Variants in AHNAK2 observed in about 807,000 individuals in gnomAD.
The protein encoded by AHNAK2 is protein AHNAK2.
AHNAK2 carries 18 observed loss-of-function variants against 30.7 expected under a neutral mutation model. That is an observed-to-expected ratio of 0.59 (90% CI 0.41 to 0.87). The LOEUF (loss-of-function observed/expected upper bound fraction) is 0.87, where lower values mean the gene tolerates loss of function less well. Among genes scored for constraint, AHNAK2 ranks in the 40% least tolerant of loss-of-function variants. AHNAK2 has a pLI of 0.00. For synonymous variants in AHNAK2, 3,590 were observed against 3,073.8 expected, an observed-to-expected ratio of 1.17 and a Z score of -5.56; for missense variants, 8,604 against 7,373.0, an observed-to-expected ratio of 1.17 and a Z score of -6.11.
chr14:104,938,261 T>C lies in AHNAK2; in HGVS notation c.17190A>G (p.Thr5730=), dbSNP rs755351379. Residue 5730 remains threonine, a synonymous_variant, in exon 7 of 7, where the codon ACA becomes ACG. Coordinates refer to ENST00000333244, the MANE Select transcript of AHNAK2 (RefSeq NM_138420.4). ...TTTCTCGGGCATCAAAAAACGTGAT[T>C]GTTTCTTCTTGAAGTTTTTGTTCTT... The part of the protein sequence containing the change: ...ELEEQKLQEE[T]ITFFDARESF... 6.2e-7 allele frequency: 1 copy of C among 1,613,930 alleles called. No homozygotes were observed. The highest frequency in any genetic ancestry group is 8.5e-7 in the Non-Finnish European group (1 of 1,179,866).
chr14:104,948,582 G>C lies in AHNAK2; in HGVS notation c.6869C>G (p.Ala2290Gly), dbSNP rs1170678821. Residue 2290 changes from alanine (A) to glycine (G), a missense_variant, in exon 7 of 7, where the codon GCC becomes GGC. By Grantham distance (60) the Ala-to-Gly change is moderately conservative. Coordinates refer to ENST00000333244, the MANE Select transcript of AHNAK2 (RefSeq NM_138420.4). ...CGCACCATCCAGCTTGGCTCCTGGG[G>C]CCTTGACGTCCACCTCCACGCTGGG... ...SLPSVEVDVK[A>G]PGAKLDGARL... is the part of the protein sequence containing the mutation. The C allele has an allele frequency of 8.1e-6, 13 of 1,612,618 alleles. No homozygotes were observed. Among genetic ancestry groups the C allele is most frequent in the Non-Finnish European group, 1.1e-5 (13 of 1,179,776 alleles).
rs1455953192 is a variant in AHNAK2 at position 104,950,611 on chromosome 14, C to T, written c.4840G>A (p.Ala1614Thr). The T allele has an allele frequency of 1.9e-6, 3 of 1,587,090 alleles. No homozygotes were observed. The East Asian group carries it at 6.8e-5, about 36-fold the overall frequency. The change falls in exon 7 of 7, where the codon GCC (alanine) becomes ACC (threonine). Residue 1614 changes from alanine (A) to threonine (T), a missense_variant. Coordinates refer to ENST00000333244, the MANE Select transcript of AHNAK2 (RefSeq NM_138420.4). ...DLKGPKVEVT[A>T]PDVKMSLSSM... ...GACAGAGACATCTTCACATCGGGGG[C>T]TGTCACTTCCACCTTGGGGCCTTTC...
At position 104,938,725 on chromosome 14, in the gene AHNAK2, T is replaced by G. The variant is rs1485135542; in HGVS notation, c.16726A>C (p.Met5576Leu). 2 of 1,613,724 alleles carry G rather than the reference T, an allele frequency of 1.2e-6. No homozygotes were observed. Among genetic ancestry groups the G allele is most frequent in the South Asian group, 2.2e-5 (2 of 91,016 alleles). The change falls in exon 7 of 7, where the codon ATG becomes CTG. Residue 5576 changes from methionine to leucine, a missense_variant. Transcript: ENST00000333244. ...LQPDTGEPFE[M>L]ISSSVNVLGQ... Reference sequence around the variant, plus strand: ...AGTACATTGACGCTGGAAGAGATCATCTCAAATGGTTCTCCAGTGTCAGGC... The same window carrying G: ...AGTACATTGACGCTGGAAGAGATCAGCTCAAATGGTTCTCCAGTGTCAGGC...
chr14:104,964,560 AAT>A (rs936996754), intron 1 of AHNAK2, among the ~76,000 whole-genome samples: 31 of 152,240 alleles, frequency 2.0e-4, no homozygotes, highest in African/African-American at 6.5e-4. Context: ...CAGAGATTCA[AAT>A]GTCCATCAAC....
rs202156630 is a variant in AHNAK2 at position 104,953,203 on chromosome 14, C to T, written c.2248G>A (p.Glu750Lys). 28 of 1,613,030 alleles carry T rather than the reference C, an allele frequency of 1.7e-5. No homozygotes were observed. Among genetic ancestry groups the T allele is most frequent in the Non-Finnish European group, 2.1e-5 (25 of 1,179,690 alleles). Residue 750 changes from glutamate (E) to lysine (K), a missense_variant, in exon 7 of 7, where the codon GAG becomes AAG. By Grantham distance (56) the Glu-to-Lys change is moderately conservative. Coordinates refer to ENST00000333244, the MANE Select transcript of AHNAK2 (RefSeq NM_138420.4). Reference sequence around the variant, plus strand: ...AGGTGCCCTTTGAGGCTGGCTCCCTCGGGCAGGGGGCCCTCCGGAAGTTTC... The same window carrying T: ...AGGTGCCCTTTGAGGCTGGCTCCCTTGGGCAGGGGGCCCTCCGGAAGTTTC... The part of the protein sequence containing the change: ...DVKLPEGPLP[E>K]GASLKGHLPK...
rs1898418011 is a variant in AHNAK2 at position 104,948,260 on chromosome 14, G to A, written c.7191C>T (p.Leu2397=). The A allele has an allele frequency of 6.2e-7, 1 of 1,612,218 alleles. No homozygotes were observed. Among genetic ancestry groups the A allele is most frequent in the African/African-American group, 1.3e-5 (1 of 74,350 alleles). ...PEGPVPEGAG[L]KGHLPKLQMP... is the part of the protein sequence containing the mutation. ...TCTGCAGCTTGGGCAGGTGCCCTTTGAGGCCGGCTCCCTCCGGCACGGGGC... is the reference window on the plus strand; with the variant it reads ...TCTGCAGCTTGGGCAGGTGCCCTTTAAGGCCGGCTCCCTCCGGCACGGGGC... Residue 2397 remains leucine, a synonymous_variant, in exon 7 of 7, where the codon CTC becomes CTT. Transcript: ENST00000333244.
chr14:104,969,701 T>C (rs1361796908), intron 1 of AHNAK2, among the ~76,000 whole-genome samples: 1 of 152,110 alleles, frequency 6.6e-6, no homozygotes, highest in East Asian at 1.9e-4. Context: ...GCCCAGTTCA[T>C]CTCCTTCTGC....
In AHNAK2 at chr14:104,938,725, T is replaced by C; in HGVS notation, c.16726A>G (p.Met5576Val). 6.2e-7 allele frequency: 1 copy of C among 1,613,724 alleles called. No homozygotes were observed. The highest frequency in any genetic ancestry group is 8.5e-7 in the Non-Finnish European group (1 of 1,179,836). ...AGTACATTGACGCTGGAAGAGATCA[T>C]CTCAAATGGTTCTCCAGTGTCAGGC... Reference protein sequence around the residue: ...LQPDTGEPFEMISSSVNVLGQ... With the variant: ...LQPDTGEPFEVISSSVNVLGQ... Residue 5576 changes from methionine to valine, a missense_variant, in exon 7 of 7, where the codon ATG becomes GTG. By Grantham distance (21) the Met-to-Val change is conservative. Transcript: ENST00000333244.
intron 1 of AHNAK2, among the ~76,000 whole-genome samples, chr14:104,970,723 C>T (rs541715542): frequency 6.6e-6 from 1 of 152,198 alleles, no homozygotes; most frequent in Non-Finnish European, 1.5e-5. Flanking sequence ...AGTGCCCACC[C>T]CCAGCCTGAG....
chr14:104,971,604 T>C (rs967764776), intron 1 of AHNAK2, among the ~76,000 whole-genome samples: 9 of 152,122 alleles, frequency 5.9e-5, no homozygotes, highest in African/African-American at 2.2e-4. Flanking sequence ...ATACAAGTGG[T>C]GGCTGAGAAA....
rs372744634 is a variant in AHNAK2, at chr14:104,942,412, T to A, written c.13039A>T (p.Ser4347Cys). Residue 4347 changes from serine (S) to cysteine (C), a missense_variant, in exon 7 of 7, where the codon AGC (serine) becomes TGC (cysteine). By Grantham distance (112) the Ser-to-Cys change is moderately radical (BLOSUM62 -1). Transcript: ENST00000333244. ...AGATCAGCGGAAGGGGGCTGAATGCTGAGGTGAGTGGTCTTCAGGTCCCCC... is the reference window on the plus strand; with the variant it reads ...AGATCAGCGGAAGGGGGCTGAATGCAGAGGTGAGTGGTCTTCAGGTCCCCC... Reference protein sequence around the residue: ...MQGDLKTTHLSIQPPSADLEV... With the variant: ...MQGDLKTTHLCIQPPSADLEV... 21 of 1,611,266 alleles carry A rather than the reference T, an allele frequency of 1.3e-5. No homozygotes were observed. The highest frequency in any genetic ancestry group is 1.2e-4 in the African/African-American group (9 of 74,134).
In AHNAK2 at chr14:104,940,528, C is replaced by G; in HGVS notation, c.14923G>C (p.Val4975Leu). 2.5e-6 allele frequency: 4 copies of G among 1,613,718 alleles called. No individual in the cohort carries two copies. Among genetic ancestry groups the G allele is most frequent in the Non-Finnish European group, 3.4e-6 (4 of 1,179,860 alleles). ...TCCTCCACGCTGCATTCTGGGTCCA[C>G]CTTTGGCCCTGTTTCCTTCTTCGGG... is the stretch of plus-strand genomic sequence containing the variant. ...WSPKKETGPK[V>L]DPECSVEDSK... Residue 4975 changes from valine (V) to leucine (L), a missense_variant, in exon 7 of 7, where the codon GTG becomes CTG. By Grantham distance (32) the Val-to-Leu change is conservative (BLOSUM62 1). Transcript: ENST00000333244. This position sits in a 1 kb window ranked among gnomAD's most constrained non-coding sequence, Gnocchi z 4.4.
rs530346059 is a variant in AHNAK2, at chr14:104,943,943, A to G, written c.11508T>C (p.Asp3836=). 1.0e-4 allele frequency: 166 copies of G among 1,609,006 alleles called. No individual in the cohort carries two copies. The African/African-American group carries it at 1.2e-3, about 12-fold the overall frequency. The change falls in exon 7 of 7, where the codon GAT becomes GAC. Residue 3836 remains aspartate, a synonymous_variant. Coordinates refer to ENST00000333244, the MANE Select transcript of AHNAK2 (RefSeq NM_138420.4). ...CCCCCTGCATGGAGGGGAGACTCAC[A>G]TCGGCCTCCACCTTGGGTGCAGACA... ...VHVSAPKVEA[D]VSLPSMQGDL...
chr14:104,942,601 G>T lies in AHNAK2; in HGVS notation c.12850C>A (p.Leu4284Met), dbSNP rs780221272. ...KLDSVRLEGDLSLADKDMTAK... is the reference protein window; with the variant it reads ...KLDSVRLEGDMSLADKDMTAK... ...GTCATGTCCTTGTCGGCTAGGGACA[G>T]GTCACCCTCCAGCCGCACACTGTCC... Residue 4284 changes from leucine to methionine, a missense_variant, in exon 7 of 7, where the codon CTG becomes ATG. Physicochemically the swap from Leu to Met is conservative, Grantham distance 15 (BLOSUM62 2). Transcript: ENST00000333244. 2 of 1,613,210 alleles carry T rather than the reference G, an allele frequency of 1.2e-6. No homozygotes were observed. Among genetic ancestry groups the T allele is most frequent in the Non-Finnish European group, 8.5e-7 (1 of 1,179,592 alleles).
At chr14:104,959,003 G>A (rs1038414145) in intron 1 of AHNAK2, among the ~76,000 whole-genome samples, 3 of 152,182 alleles carry the variant, frequency 2.0e-5, no homozygotes, top group African/African-American at 2.4e-5. Context: ...TGTTGTCAAC[G>A]AAGAATTTGA....
chr14:104,944,812 G>A lies in AHNAK2; in HGVS notation c.10639C>T (p.Pro3547Ser), dbSNP rs200850081. The A allele has an allele frequency of 9.2e-5, 148 of 1,612,746 alleles. 1 individual carries two copies. The Admixed American group carries it at 1.5e-3, about 17-fold the overall frequency. Reference sequence around the variant, plus strand: ...TGCCCTTTGAGGCCGGCTCCCTCGGGCACGGGGCCCTCCAGGAGTTCCACA... The same window carrying A: ...TGCCCTTTGAGGCCGGCTCCCTCGGACACGGGGCCCTCCAGGAGTTCCACA... The part of the protein sequence containing the change: ...VDVELLEGPV[P>S]EGAGLKGHLP... Residue 3547 changes from proline to serine, a missense_variant, in exon 7 of 7, where the codon CCC becomes TCC. By Grantham distance (74) the Pro-to-Ser change is moderately conservative. Transcript: ENST00000333244.
intron 4 of AHNAK2, among the ~76,000 whole-genome samples, chr14:104,955,922 G>T (rs1276764662): frequency 6.6e-6 from 1 of 152,254 alleles, no homozygotes; most frequent in Non-Finnish European, 1.5e-5. Flanking sequence ...GAGCAGCGCA[G>T]AACGGATTCT....
intron 1 of AHNAK2, among the ~76,000 whole-genome samples, chr14:104,967,081 G>T (rs1180326308): frequency 6.6e-6 from 1 of 152,202 alleles, no homozygotes; most frequent in Non-Finnish European, 1.5e-5. Context: ...TGCAGCTGGG[G>T]TCATGAGTGG....
chr14:104,957,570 G>A, intron 2 of AHNAK2, 44 bp downstream of exon 2: 1 of 1,601,136 alleles, frequency 6.2e-7, no homozygotes. Flanking sequence ...GGGAGAATGG[G>A]GGCAGGGTAT....
Sources: allele counts gnomAD v4.1 joint callset (sites outside exome capture counted in the v4.1 genomes callset), GRCh38; gene constraint gnomAD v4.1.1; non-coding constraint Gnocchi (gnomAD v3.1); transcripts MANE v1.5; gene names NCBI Gene and HGNC (gene_info 2026-07-23, HGNC 2026-07-21).